The following ANKRD44 variants were observed in gnomAD, a reference collection of about 807,000 sequenced individuals.
ANKRD44 encodes the protein ankyrin repeat domain 44.
ANKRD44 carries 35 observed loss-of-function variants against 116.0 expected under a neutral mutation model. The observed-to-expected ratio is 0.30, with a 90% CI of 0.23 to 0.40. The LOEUF is 0.40. ANKRD44 is among the 10% of genes least tolerant of loss of function. The pLI is 1.00. For synonymous variants in ANKRD44, 435 were observed against 461.8 expected, an observed-to-expected ratio of 0.94 and a Z score of 0.74; for missense variants, 1,014 against 1,242.6, an observed-to-expected ratio of 0.82 and a Z score of 2.77.
rs1464487603 is a variant in ANKRD44 at position 197,008,978 on chromosome 2, G to A, written c.1978C>T (p.Pro660Ser). The A allele has an allele frequency of 1.2e-6, 2 of 1,614,128 alleles. No individual in the cohort carries two copies. Among genetic ancestry groups the A allele is most frequent in the Admixed American group, 1.7e-5 (1 of 60,026 alleles). The change falls in exon 19 of 28, where the codon CCG becomes TCG. Residue 660 changes from proline (P) to serine (S), a missense_variant. Physicochemically the swap from Pro to Ser is moderately conservative, Grantham distance 74. Transcript: ENST00000282272. ...LRLLLEIADN[P>S]EAVDVKDAKG... ...GCATCTTTCACATCGACCGCCTCCGGGTTGTCTGCAATTTCTAGCAACAGC... is the reference window on the plus strand; with the variant it reads ...GCATCTTTCACATCGACCGCCTCCGAGTTGTCTGCAATTTCTAGCAACAGC...
intron 2 of ANKRD44, among the ~76,000 whole-genome samples, chr2:197,154,079 C>T (rs2079735862): frequency 6.6e-6 from 1 of 151,696 alleles, no homozygotes; most frequent in Non-Finnish European, 1.5e-5. Flanking sequence ...AAATAACTTC[C>T]AAAGTATTAA....
At chr2:197,247,173 G>C (rs1300859388) in intron 1 of ANKRD44, among the ~76,000 whole-genome samples, 1 of 152,148 alleles carries the variant, frequency 6.6e-6, no homozygotes, top group African/African-American at 2.4e-5. Context: ...GAAAAAAATT[G>C]TTTCAGCTTC....
chr2:197,236,944 C>T (rs963415622), intron 1 of ANKRD44, among the ~76,000 whole-genome samples: 4 of 152,116 alleles, frequency 2.6e-5, no homozygotes, highest in African/African-American at 9.7e-5. Flanking sequence ...TGGGGAGAAG[C>T]AAGACACTGA....
intron 1 of ANKRD44, among the ~76,000 whole-genome samples, chr2:197,283,527 C>T (rs1259322856): frequency 6.6e-6 from 1 of 152,102 alleles, no homozygotes; most frequent in African/African-American, 2.4e-5. Flanking sequence ...AAACAAATGC[C>T]AGCATGTCTC....
At chr2:197,247,948 C>T (rs1355381037) in intron 1 of ANKRD44, among the ~76,000 whole-genome samples, 2 of 152,168 alleles carry the variant, frequency 1.3e-5, no homozygotes, top group East Asian at 3.8e-4. Context: ...AAGACACTCA[C>T]TCCAACAAGT....
At chr2:197,003,575 ACT>A (rs1243469446) in intron 21 of ANKRD44, among the ~76,000 whole-genome samples, 3 of 151,942 alleles carry the variant, frequency 2.0e-5, no homozygotes, top group African/African-American at 7.3e-5. Flanking sequence ...GGAGCTTGAA[ACT>A]CAGTCCTGGA....
intron 1 of ANKRD44, among the ~76,000 whole-genome samples, chr2:197,295,132 C>G (rs2083680651): frequency 6.6e-6 from 1 of 152,144 alleles, no homozygotes. Context: ...CTACTTTCTC[C>G]TGGAGAAAAT....
In ANKRD44 at chr2:197,015,392, CT is replaced by C. The variant is rs1274131116; in HGVS notation, c.1723-1681del. The C allele has an allele frequency of 6.6e-5, 38 of 578,750 alleles. No individual in the cohort carries two copies. In the East Asian group the frequency reaches 1.5e-3, roughly 23 times the overall value. 35.9% of individuals were successfully genotyped at this position (578,750 alleles called of 1,614,324 possible). On this transcript the variant is annotated intron_variant, in intron 17 of 27. Transcript: ENST00000282272. ...AGATTGGAAAAAAAGAGAGGATTTGCTTTTGTAACTTTTGATGATCATGCTA... is the reference window on the plus strand; with the variant it reads ...AGATTGGAAAAAAAGAGAGGATTTGCTTTGTAACTTTTGATGATCATGCTA...
intron 16 of ANKRD44, among the ~76,000 whole-genome samples, chr2:197,061,327 C>A (rs541920080): frequency 6.6e-6 from 1 of 152,150 alleles, no homozygotes; most frequent in Non-Finnish European, 1.5e-5. Context: ...TCTGAGTTGT[C>A]GGGTGGGGAC....
intron 10 of ANKRD44, among the ~76,000 whole-genome samples, chr2:197,096,617 T>C (rs1216124979): frequency 6.6e-6 from 1 of 152,224 alleles, no homozygotes; most frequent in Non-Finnish European, 1.5e-5. Context: ...GTAATAATGA[T>C]AAAACTTGTC....
chr2:197,177,576 G>T (rs932732211), intron 2 of ANKRD44, among the ~76,000 whole-genome samples: 1 of 151,866 alleles, frequency 6.6e-6, no homozygotes, highest in Non-Finnish European at 1.5e-5. Context: ...TTGCTTTCTC[G>T]TGAGTTTGTG....
At chr2:197,068,833 C>G (rs1266023474) in intron 16 of ANKRD44, among the ~76,000 whole-genome samples, 1 of 152,186 alleles carries the variant, frequency 6.6e-6, no homozygotes, top group Non-Finnish European at 1.5e-5. Flanking sequence ...AATAAGAACA[C>G]TTTTACACTG....
intron 1 of ANKRD44, among the ~76,000 whole-genome samples, chr2:197,227,774 CT>C (rs1326245681): frequency 6.6e-6 from 1 of 152,190 alleles, no homozygotes; most frequent in Non-Finnish European, 1.5e-5. Context: ...GTCCATGTCT[CT>C]GGGCTTCATT....
At chr2:197,292,820 T>C (rs2083611032) in intron 1 of ANKRD44, among the ~76,000 whole-genome samples, 1 of 152,152 alleles carries the variant, frequency 6.6e-6, no homozygotes, top group South Asian at 2.1e-4. Context: ...AAACCAAGAG[T>C]GCACATTAAC....
chr2:197,083,355 A>G lies in ANKRD44; in HGVS notation c.1457+14T>C, dbSNP rs2077842204. 1.2e-6 allele frequency: 2 copies of G among 1,609,738 alleles called. No individual in the cohort carries two copies. Among genetic ancestry groups the G allele is most frequent in the Non-Finnish European group, 1.7e-6 (2 of 1,178,148 alleles). On this transcript the variant is annotated intron_variant, in intron 14 of 27. Coordinates refer to ENST00000282272, the MANE Select transcript of ANKRD44 (RefSeq NM_001195144.2). ...CCCTGTTCCCAGAGGAAGCATGAGCAAGGCTGTTTTTACTTTCTATCCATG... is the reference window on the plus strand; with the variant it reads ...CCCTGTTCCCAGAGGAAGCATGAGCGAGGCTGTTTTTACTTTCTATCCATG...
At chr2:197,125,685 G>T in intron 5 of ANKRD44, 152 bp downstream of exon 5, 1 of 953,620 alleles carries the variant, frequency 1.0e-6, no homozygotes, top group Non-Finnish European at 1.6e-6. Flanking sequence ...AATTCATTGT[G>T]GCTCTAAAGT....
Position 196,988,076 on chromosome 2 carries a change from G to A in ANKRD44, c.*1515C>T. 1 of 985,288 alleles carries A rather than the reference G, an allele frequency of 1.0e-6. No homozygotes were observed. Among genetic ancestry groups the A allele is most frequent in the Non-Finnish European group, 1.2e-6 (1 of 829,904 alleles). 61.0% of individuals were successfully genotyped at this position (985,288 alleles called of 1,614,324 possible). Reference sequence around the variant, plus strand: ...TCCTCCTTCTATGAGTAAGAGAGTGGGAAAAGTCAAAACGCAGCTCCATGG... The same window carrying A: ...TCCTCCTTCTATGAGTAAGAGAGTGAGAAAAGTCAAAACGCAGCTCCATGG... On this transcript the variant is annotated 3_prime_UTR_variant, in exon 28 of 28. Transcript: ENST00000282272.
At chr2:197,088,813 A>T (rs1201968737) in intron 11 of ANKRD44, 39 bp from the exon 12 acceptor site, 1 of 1,603,174 alleles carries the variant, frequency 6.2e-7, no homozygotes, top group Non-Finnish European at 8.5e-7. Context: ...CAAGGATACT[A>T]TGCTATACTT....
At chr2:197,036,279 G>C (rs1033317741) in intron 16 of ANKRD44, among the ~76,000 whole-genome samples, 2 of 151,970 alleles carry the variant, frequency 1.3e-5, no homozygotes, top group South Asian at 4.2e-4. Context: ...TTTATTTAGA[G>C]ACAGAGTCTC....
Sources: gnomAD v4.1 joint callset for allele counts (sites outside exome capture counted in the v4.1 genomes callset) on GRCh38, gnomAD v4.1.1 for gene constraint, MANE v1.5 for transcripts, NCBI Gene and HGNC (gene_info 2026-07-23, HGNC 2026-07-21) for gene names.